Variants in RERE observed in about 807,000 individuals in gnomAD.
RERE encodes arginine-glutamic acid dipeptide repeats protein.
RERE carries 40 observed loss-of-function variants against 146.1 expected under a neutral mutation model. The observed-to-expected ratio is 0.27, with a 90% CI of 0.21 to 0.36. The LOEUF (loss-of-function observed/expected upper bound fraction) is 0.36, where lower values mean the gene tolerates loss of function less well. Ranked by LOEUF, RERE falls within the 10% of genes least tolerant of loss-of-function variation. RERE has a pLI of 1.00. For synonymous variants in RERE, 1,003 were observed against 866.0 expected (o/e 1.16, Z -2.78); for missense variants, 1,933 against 2,138.7 (o/e 0.90, Z 1.90).
At chr1:8,594,606 G>A (rs934625680) in intron 4 of RERE, among the ~76,000 whole-genome samples, 2 of 152,052 alleles carry the variant, frequency 1.3e-5, no homozygotes, top group East Asian at 3.9e-4. Context: ...CTCAACATTT[G>A]AGCCTCTACA....
At position 8,689,396 on chromosome 1, in the gene RERE, C is replaced by T. The variant is rs373467387; in HGVS notation, c.-144-32955G>A. On this transcript the variant is annotated intron_variant, in intron 1 of 22. Coordinates refer to ENST00000400908, the MANE Select transcript of RERE (RefSeq NM_001042681.2). Reference sequence around the variant, plus strand: ...TTGTAGATAGCCACAAATAACTCCTCTATCCTATTACAGACATTCATCAGC... The same window carrying T: ...TTGTAGATAGCCACAAATAACTCCTTTATCCTATTACAGACATTCATCAGC... Among the ~76,000 whole-genome samples, 13 of 152,300 alleles carry T rather than the reference C, an allele frequency of 8.5e-5. No homozygotes were observed. The South Asian group carries it at 2.5e-3, about 29-fold the overall frequency.
At chr1:8,506,884 T>G (rs1006344209) in intron 8 of RERE, among the ~76,000 whole-genome samples, 1 of 152,134 alleles carries the variant, frequency 6.6e-6, no homozygotes, top group African/African-American at 2.4e-5. Flanking sequence ...CACCACAGAA[T>G]GTACAATGAA....
chr1:8,731,339 G>C (rs931416528), intron 1 of RERE, among the ~76,000 whole-genome samples: 1 of 152,178 alleles, frequency 6.6e-6, no homozygotes, highest in African/African-American at 2.4e-5. Flanking sequence ...CAATTGCTCA[G>C]AGCATTCTCC....
In RERE at chr1:8,353,058, C is replaced by T. The variant is rs1267703828; in HGVS notation, c.*2029G>A. On this transcript the variant is annotated 3_prime_UTR_variant, in exon 23 of 23. Transcript: ENST00000400908. ...GGGAGCCCAGCAGGAAGAGGCCTCG[C>T]TCAGAGCCACGGGAACAAGCCTGCC... 6.6e-6 allele frequency: 1 copy of T among 152,480 alleles called. No homozygotes were observed. Among genetic ancestry groups the T allele is most frequent in the Non-Finnish European group, 1.5e-5 (1 of 68,082 alleles). 9.4% of individuals were successfully genotyped at this position (152,480 alleles called of 1,614,324 possible).
chr1:8,711,140 G>C, intron 1 of RERE, among the ~76,000 whole-genome samples: 1 of 128,514 alleles, frequency 7.8e-6, no homozygotes, highest in African/African-American at 3.2e-5. Flanking sequence ...CTGGGTGACA[G>C]AGTGTGACTC....
chr1:8,493,153 C>T (rs1441805286), intron 10 of RERE, among the ~76,000 whole-genome samples: 3 of 152,204 alleles, frequency 2.0e-5, no homozygotes, highest in African/African-American at 7.2e-5. Flanking sequence ...TTTGTACACA[C>T]ACTTTTAAGG....
At chr1:8,386,983 C>T (rs1485895663) in intron 12 of RERE, among the ~76,000 whole-genome samples, 2 of 152,074 alleles carry the variant, frequency 1.3e-5, no homozygotes, top group Non-Finnish European at 2.9e-5. Context: ...GTTTGTGGAA[C>T]AAGACAAGCT....
intron 1 of RERE, among the ~76,000 whole-genome samples, chr1:8,796,287 G>A (rs555390475): frequency 1.3e-5 from 2 of 152,260 alleles, no homozygotes; most frequent in South Asian, 4.1e-4. Flanking sequence ...AACATCCACA[G>A]GCTAAGTTAA....
At chr1:8,661,531 C>A (rs1315229012) in intron 1 of RERE, among the ~76,000 whole-genome samples, 2 of 152,094 alleles carry the variant, frequency 1.3e-5, no homozygotes, top group East Asian at 3.9e-4. Flanking sequence ...CAGTGGGGCA[C>A]GATCACCCCG....
In RERE at chr1:8,778,304, T is replaced by A. The variant is rs1458392280; in HGVS notation, c.-145+38856A>T. ...AATTTACAATAAATTACCTGAAAATTTTCTCAGGCATGCCAAAAATCACAA... is the reference window on the plus strand; with the variant it reads ...AATTTACAATAAATTACCTGAAAATATTCTCAGGCATGCCAAAAATCACAA... On this transcript the variant is annotated intron_variant, in intron 1 of 22. Transcript: ENST00000400908. Among the ~76,000 whole-genome samples, 3 of 152,218 alleles carry A rather than the reference T, an allele frequency of 2.0e-5. No individual in the cohort carries two copies. In the East Asian group the frequency reaches 5.8e-4, roughly 29 times the overall value.
intron 1 of RERE, among the ~76,000 whole-genome samples, chr1:8,677,857 G>A (rs890866281): frequency 6.6e-6 from 1 of 152,222 alleles, no homozygotes; most frequent in East Asian, 1.9e-4. Context: ...CACTGCTGAT[G>A]ACAAACCATG....
At chr1:8,422,151 TAAG>T (rs1373183521) in intron 12 of RERE, among the ~76,000 whole-genome samples, 2 of 152,248 alleles carry the variant, frequency 1.3e-5, no homozygotes, top group Non-Finnish European at 2.9e-5. Context: ...TGTGAAATAC[TAAG>T]TAGTTTTTTG....
At chr1:8,406,967 G>A (rs762640816) in intron 12 of RERE, among the ~76,000 whole-genome samples, 3 of 152,132 alleles carry the variant, frequency 2.0e-5, no homozygotes, top group South Asian at 2.1e-4. Context: ...CCCGACACCC[G>A]AGGTTCAAAA....
chr1:8,530,686 T>TTTCC (rs1015053204), intron 7 of RERE, among the ~76,000 whole-genome samples: 3 of 100,214 alleles, frequency 3.0e-5, no homozygotes, highest in Non-Finnish European at 4.6e-5. Flanking sequence ...TTTCTTTTTT[T>TTTCC]TTTTTTTTTT....
chr1:8,373,902 T>G (rs1224224017), intron 12 of RERE, among the ~76,000 whole-genome samples: 1 of 152,192 alleles, frequency 6.6e-6, no homozygotes, highest in African/African-American at 2.4e-5. Context: ...CAGTAACAAC[T>G]CTGGTAATTA....
At chr1:8,554,678 CAAAA>C (rs386366172) in intron 6 of RERE, among the ~76,000 whole-genome samples, 9 of 100,724 alleles carry the variant, frequency 8.9e-5, no homozygotes, top group East Asian at 3.0e-4. Flanking sequence ...GATCCTGTCT[CAAAA>C]AAAAAAAAAA....
At chr1:8,716,904 G>A (rs1639775832) in intron 1 of RERE, among the ~76,000 whole-genome samples, 1 of 152,114 alleles carries the variant, frequency 6.6e-6, no homozygotes, top group Non-Finnish European at 1.5e-5. Flanking sequence ...TCAGAGGGCA[G>A]GCTGTACTAC....
At chr1:8,677,392 C>T (rs1638864080) in intron 1 of RERE, among the ~76,000 whole-genome samples, 1 of 137,748 alleles carries the variant, frequency 7.3e-6, no homozygotes, top group African/African-American at 2.8e-5. Flanking sequence ...CGCCACTGCA[C>T]TCCAGCCTGG....
intron 2 of RERE, among the ~76,000 whole-genome samples, chr1:8,647,860 A>G (rs1647402797): frequency 1.3e-5 from 2 of 152,196 alleles, no homozygotes; most frequent in South Asian, 4.1e-4. Flanking sequence ...ACCATTTGTT[A>G]AAATATCGGG....
Sources: gnomAD v4.1 joint callset for allele counts (sites outside exome capture counted in the v4.1 genomes callset) on GRCh38, gnomAD v4.1.1 for gene constraint, MANE v1.5 for transcripts, NCBI Gene and HGNC (gene_info 2026-07-23, HGNC 2026-07-21) for gene names.